The following KIAA1671 variants were observed in gnomAD, a reference collection of about 807,000 sequenced individuals.
The protein encoded by KIAA1671 is KIAA1671.
Under a neutral mutation model 131.2 loss-of-function variants are expected in KIAA1671, and 52 were observed. The observed-to-expected ratio is 0.40, with a 90% CI of 0.32 to 0.50. The LOEUF is 0.50. Among genes scored for constraint, KIAA1671 ranks in the 20% least tolerant of loss-of-function variants. KIAA1671 has a pLI of 0.73. For synonymous variants in KIAA1671, 1,003 were observed against 961.6 expected (o/e 1.04, Z -0.80); for missense variants, 2,360 against 2,364.2 (o/e 1.00, Z 0.04).
At position 25,040,735 on chromosome 22, in the gene KIAA1671, A is replaced by G; in HGVS notation, c.3605A>G (p.Asp1202Gly). Reference sequence around the variant, plus strand: ...TACAGATCCAGCGTTCTTGACATTGACGCCCTGATGGCAGAGTACCAGGAG... The same window carrying G: ...TACAGATCCAGCGTTCTTGACATTGGCGCCCTGATGGCAGAGTACCAGGAG... ...DGYRSSVLDIDALMAEYQELS... is the reference protein window; with the variant it reads ...DGYRSSVLDIGALMAEYQELS... Residue 1202 changes from aspartate (D) to glycine (G), a missense_variant, in exon 5 of 13, where the codon GAC becomes GGC. This residue lies in a region of KIAA1671 where 1,161 missense variants were observed against 1,204.7 expected (regional missense o/e 0.96). Transcript: ENST00000358431. 1 of 1,551,914 alleles carries G rather than the reference A, an allele frequency of 6.4e-7. No individual in the cohort carries two copies. The highest frequency in any genetic ancestry group is 8.7e-7 in the Non-Finnish European group (1 of 1,147,072).
chr22:24,961,417 C>T (rs2123798449), intron 1 of KIAA1671, among the ~76,000 whole-genome samples: 1 of 152,338 alleles, frequency 6.6e-6, no homozygotes, highest in South Asian at 2.1e-4. Context: ...TGTGATCATA[C>T]TGTGTAACAA....
chr22:25,096,690 A>G (rs1159875349), intron 6 of KIAA1671, among the ~76,000 whole-genome samples: 3 of 152,190 alleles, frequency 2.0e-5, no homozygotes, highest in African/African-American at 7.2e-5. Context: ...ACGTATGTGT[A>G]TTCCCGTGGA....
At chr22:25,032,434 C>T (rs1182451283) in intron 3 of KIAA1671, among the ~76,000 whole-genome samples, 175 bp from the exon 4 acceptor site, 4 of 152,222 alleles carry the variant, frequency 2.6e-5, no homozygotes, top group African/African-American at 9.7e-5. Flanking sequence ...GGCTCCTCCA[C>T]CCCAGTAATG....
intron 1 of KIAA1671, among the ~76,000 whole-genome samples, chr22:25,004,878 G>C (rs1016468695): frequency 6.6e-6 from 1 of 151,676 alleles, no homozygotes; most frequent in Non-Finnish European, 1.5e-5. Flanking sequence ...CCCAGGAGGC[G>C]GAGCTTGCAG....
At chr22:24,991,118 C>G (rs1036550701) in intron 1 of KIAA1671, among the ~76,000 whole-genome samples, 2 of 152,146 alleles carry the variant, frequency 1.3e-5, no homozygotes, top group African/African-American at 4.8e-5. Flanking sequence ...CTTCCGGGTT[C>G]AAGCGATTAT....
At chr22:25,127,669 C>T (rs1932248611) in intron 6 of KIAA1671, among the ~76,000 whole-genome samples, 1 of 152,168 alleles carries the variant, frequency 6.6e-6, no homozygotes, top group South Asian at 2.1e-4. Context: ...AGGAGGCATT[C>T]CTATACACGC....
At chr22:25,139,383 T>A (rs1601349127) in intron 6 of KIAA1671, among the ~76,000 whole-genome samples, 1 of 152,310 alleles carries the variant, frequency 6.6e-6, no homozygotes, top group South Asian at 2.1e-4. Flanking sequence ...GGCTGTATGG[T>A]ACAAAGGTGG....
intron 1 of KIAA1671, among the ~76,000 whole-genome samples, chr22:24,994,787 G>A (rs1924024632): frequency 6.6e-6 from 1 of 152,064 alleles, no homozygotes; most frequent in Admixed American, 6.6e-5. Flanking sequence ...TCATTTTCTT[G>A]GGGTCCCCTT....
In KIAA1671 at chr22:25,006,177, G is replaced by A. The variant is rs891759777; in HGVS notation, c.-207-19456G>A. Among the ~76,000 whole-genome samples, 5 of 151,974 alleles carry A rather than the reference G, an allele frequency of 3.3e-5. No homozygotes were observed. The South Asian group carries it at 6.3e-4, about 19-fold the overall frequency. ...CTCCCGAGTAGCTGGGACTACATGC[G>A]CCCGCCACCATGCCTGGCTAGTTTT... is the stretch of plus-strand genomic sequence containing the variant. On this transcript the variant is annotated intron_variant, in intron 1 of 12. Coordinates refer to ENST00000358431, the MANE Select transcript of KIAA1671 (RefSeq NM_001145206.2).
chr22:25,091,375 A>T (rs1480193240), intron 6 of KIAA1671, among the ~76,000 whole-genome samples: 2 of 152,146 alleles, frequency 1.3e-5, no homozygotes, highest in Non-Finnish European at 2.9e-5. Context: ...TTCTATTTCA[A>T]GCAAAGGTGT....
At position 25,039,262 on chromosome 22, in the gene KIAA1671, A is replaced by G; in HGVS notation, c.2132A>G (p.His711Arg). Residue 711 changes from histidine (H) to arginine (R), a missense_variant, in exon 5 of 13, where the codon CAC (histidine) becomes CGC (arginine). Coordinates refer to ENST00000358431, the MANE Select transcript of KIAA1671 (RefSeq NM_001145206.2). ...GACAAATACCCTTTGTCTGAAAACC[A>G]CAATAATAACACCTTCCTCAAACAC... The part of the protein sequence containing the change: ...LRDKYPLSEN[H>R]NNNTFLKHLE... The G allele has an allele frequency of 3.2e-6, 5 of 1,552,336 alleles. No homozygotes were observed. The highest frequency in any genetic ancestry group is 1.4e-5 in the African/African-American group (1 of 73,200).
At chr22:25,172,128 T>C (rs555712822) in intron 7 of KIAA1671, among the ~76,000 whole-genome samples, 19 of 152,176 alleles carry the variant, frequency 1.2e-4, no homozygotes, top group Non-Finnish European at 2.5e-4. Flanking sequence ...TTATCTAGAA[T>C]ACCCCTGCAA....
chr22:25,174,373 C>A lies in KIAA1671; in HGVS notation c.4783C>A (p.Arg1595=), dbSNP rs566480975. ...GDQYDCSRDQ[R]STSVDHSSTD... ...CCAGTATGACTGCTCCAGGGACCAG[C>A]GGAGCACCAGCGTGGACCACTCCAG... Residue 1595 remains arginine (R), a synonymous_variant, in exon 8 of 13, where the codon CGG becomes AGG. Transcript: ENST00000358431. 3.2e-6 allele frequency: 5 copies of A among 1,551,910 alleles called. No individual in the cohort carries two copies. Among genetic ancestry groups the A allele is most frequent in the Non-Finnish European group, 1.7e-6 (2 of 1,147,104 alleles).
chr22:25,004,906 T>A (rs2123867392), intron 1 of KIAA1671, among the ~76,000 whole-genome samples: 1 of 149,884 alleles, frequency 6.7e-6, no homozygotes, highest in South Asian at 2.1e-4. Flanking sequence ...AGATGGCACC[T>A]CTGCACTCCA....
chr22:25,067,197 G>T (rs1321223204), intron 6 of KIAA1671, among the ~76,000 whole-genome samples: 2 of 152,026 alleles, frequency 1.3e-5, no homozygotes, highest in Non-Finnish European at 2.9e-5. Context: ...CCTGCCCAGC[G>T]GTGCTCCCCT....
At chr22:25,188,447 G>GGTGT (rs59590267) in intron 11 of KIAA1671, among the ~76,000 whole-genome samples, 8,656 of 137,874 alleles carry the variant, frequency 0.063, 323 homozygotes, top group Middle Eastern at 0.085. Context: ...GAGCCAATCG[G>GGTGT]GTGTGTGTGT....
intron 1 of KIAA1671, among the ~76,000 whole-genome samples, chr22:24,956,663 G>A (rs149617624): frequency 2.3e-4 from 35 of 152,060 alleles, no homozygotes; most frequent in African/African-American, 7.2e-4. Context: ...TCAGGAGATC[G>A]AGACCATCCT....
intron 6 of KIAA1671, among the ~76,000 whole-genome samples, chr22:25,089,266 A>ATTTTTTTTTTTTTTTTTTTTTTT: frequency 1.1e-5 from 1 of 89,278 alleles, no homozygotes; most frequent in Non-Finnish European, 2.1e-5. Context: ...TGTGTGTTTA[A>ATTTTTTTTTTTTTTTTTTTTTTT]TTTTTTTTTT....
intron 1 of KIAA1671, among the ~76,000 whole-genome samples, chr22:25,008,407 G>A (rs759969673): frequency 1.3e-5 from 2 of 151,706 alleles, no homozygotes; most frequent in African/African-American, 4.8e-5. Flanking sequence ...TGTAAAATGG[G>A]GTTAATAATA....
Sources: gnomAD v4.1 joint callset for allele counts (sites outside exome capture counted in the v4.1 genomes callset) on GRCh38, gnomAD v4.1.1 for gene constraint, gnomAD v4.1.1 regional missense constraint, MANE v1.5 for transcripts, NCBI Gene and HGNC (gene_info 2026-07-23, HGNC 2026-07-21) for gene names.